The following CTNNA3 variants were observed in gnomAD, a reference collection of about 807,000 sequenced individuals.
CTNNA3 encodes the protein catenin alpha-3.
A neutral mutation model predicts 95.7 loss-of-function variants in CTNNA3; 76 were observed. The ratio of observed to expected loss-of-function variants is 0.79; its 90% CI spans 0.66 to 0.96. The LOEUF is 0.96. CTNNA3 is among the 40% of genes least tolerant of loss of function. The pLI is 0.00. For synonymous variants in CTNNA3, 431 were observed against 374.4 expected, an observed-to-expected ratio of 1.15 and a Z score of -1.74; for missense variants, 1,191 against 1,089.8, an observed-to-expected ratio of 1.09 and a Z score of -1.31.
chr10:67,255,520 G>T (rs1315417967), intron 5 of CTNNA3, among the ~76,000 whole-genome samples: 1 of 152,054 alleles, frequency 6.6e-6, no homozygotes, highest in African/African-American at 2.4e-5. Flanking sequence ...CTTATTACTG[G>T]TGCTTACTGC....
At chr10:66,700,867 G>A (rs1045339711) in intron 9 of CTNNA3, among the ~76,000 whole-genome samples, 13 of 152,018 alleles carry the variant, frequency 8.6e-5, no homozygotes, top group African/African-American at 2.2e-4. Flanking sequence ...TTCTCACATC[G>A]GAAGAAAGTA....
intron 5 of CTNNA3, among the ~76,000 whole-genome samples, chr10:67,393,549 A>C (rs1057285008): frequency 1.3e-5 from 2 of 152,192 alleles, no homozygotes; most frequent in African/African-American, 2.4e-5. Context: ...ATTAGAATGT[A>C]CTATCACTAT....
rs546662654 is a variant in CTNNA3, at chr10:66,110,563, G to A, written c.1885-7314C>T. 4.6e-5 allele frequency among the ~76,000 whole-genome samples: 7 copies of A among 152,002 alleles called. No individual in the cohort carries two copies. In the South Asian group the frequency reaches 6.2e-4, roughly 14 times the overall value. ...AAATACTATTTAGCCTTTAAAAAAAGGAAATTCTATCATTTGTTTGTCATC... is the reference window on the plus strand; with the variant it reads ...AAATACTATTTAGCCTTTAAAAAAAAGAAATTCTATCATTTGTTTGTCATC... On this transcript the variant is annotated intron_variant, in intron 13 of 17. Coordinates refer to ENST00000433211, the MANE Select transcript of CTNNA3 (RefSeq NM_013266.4).
chr10:66,288,951 T>C (rs1353691834), intron 12 of CTNNA3, among the ~76,000 whole-genome samples: 1 of 152,090 alleles, frequency 6.6e-6, no homozygotes. Flanking sequence ...GGTATAAATA[T>C]AGATGACTAC....
At chr10:66,712,356 G>A (rs1029691391) in intron 9 of CTNNA3, among the ~76,000 whole-genome samples, 2 of 152,094 alleles carry the variant, frequency 1.3e-5, no homozygotes, top group African/African-American at 2.4e-5. Flanking sequence ...GGAATTAAAT[G>A]ATAGGCAAAC....
chr10:66,393,799 T>C (rs1380077930), intron 11 of CTNNA3, among the ~76,000 whole-genome samples: 1 of 152,058 alleles, frequency 6.6e-6, no homozygotes, highest in Non-Finnish European at 1.5e-5. Context: ...TTCATTTTTA[T>C]AGTTGGAGCA....
intron 11 of CTNNA3, among the ~76,000 whole-genome samples, chr10:66,381,325 C>T (rs1280571479): frequency 6.6e-6 from 1 of 152,166 alleles, no homozygotes; most frequent in East Asian, 1.9e-4. Flanking sequence ...CTGACCTCCT[C>T]ATTCTCTACA....
chr10:66,871,286 C>T (rs1844392741), intron 7 of CTNNA3, among the ~76,000 whole-genome samples: 2 of 152,008 alleles, frequency 1.3e-5, no homozygotes, highest in Admixed American at 6.6e-5. Context: ...AGGCTGGGCG[C>T]GGTGGCTCAT....
rs189086244 is a variant in CTNNA3 at position 66,674,737 on chromosome 10, G to A, written c.1282-52953C>T. Among the ~76,000 whole-genome samples the A allele has an allele frequency of 4.5e-3, 685 of 151,938 alleles. 6 individuals are homozygous for A. The highest frequency in any genetic ancestry group is 0.016 in the African/African-American group (649 of 41,454). On this transcript the variant is annotated intron_variant, in intron 9 of 17. Coordinates refer to ENST00000433211, the MANE Select transcript of CTNNA3 (RefSeq NM_013266.4). ...CTTTATTATCTGTTCATATGTATGC[G>A]TTCAGCGTTAGATTGCCCATCCTAG...
chr10:67,298,103 G>A (rs1054750051), intron 5 of CTNNA3, among the ~76,000 whole-genome samples: 7 of 152,106 alleles, frequency 4.6e-5, no homozygotes, highest in South Asian at 2.1e-4. Flanking sequence ...GAATCATATC[G>A]GAAGTTAAGT....
At chr10:66,928,553 C>A (rs1847203263) in intron 7 of CTNNA3, 12 of 1,079,934 alleles carry the variant, frequency 1.1e-5, no homozygotes, top group Non-Finnish European at 1.3e-5. Flanking sequence ...CCCCCCCTCC[C>A]CTTCCCTCTC....
At chr10:66,894,493 T>TA (rs1482689277) in intron 7 of CTNNA3, among the ~76,000 whole-genome samples, 5 of 152,084 alleles carry the variant, frequency 3.3e-5, no homozygotes. Flanking sequence ...GAGAAGATTT[T>TA]AAAAGTTATC....
At chr10:67,127,478 G>A (rs573783842) in intron 7 of CTNNA3, among the ~76,000 whole-genome samples, 23 of 152,162 alleles carry the variant, frequency 1.5e-4, no homozygotes, top group African/African-American at 5.5e-4. Flanking sequence ...TCCTTCTCTA[G>A]CACTGACCTC....
intron 12 of CTNNA3, among the ~76,000 whole-genome samples, chr10:66,290,942 G>A (rs2091671108): frequency 6.6e-6 from 1 of 152,146 alleles, no homozygotes; most frequent in Non-Finnish European, 1.5e-5. Context: ...AAATGAAAGT[G>A]ACTTGTATCA....
At chr10:67,616,618 A>G (rs1282213773) in intron 2 of CTNNA3, among the ~76,000 whole-genome samples, 3 of 152,242 alleles carry the variant, frequency 2.0e-5, no homozygotes, top group Non-Finnish European at 4.4e-5. Context: ...TGGCCTGAGC[A>G]GCTGAGTAAA....
chr10:66,731,640 T>C (rs1179839093), intron 9 of CTNNA3, among the ~76,000 whole-genome samples: 4 of 152,218 alleles, frequency 2.6e-5, no homozygotes, highest in African/African-American at 9.6e-5. Context: ...ATTTTTAACA[T>C]AGCTTTCTGA....
intron 5 of CTNNA3, among the ~76,000 whole-genome samples, chr10:67,357,633 T>C (rs1044997869): frequency 6.6e-6 from 1 of 152,134 alleles, no homozygotes; most frequent in African/African-American, 2.4e-5. Flanking sequence ...TATAAAACCA[T>C]CATAATAAAA....
intron 7 of CTNNA3, among the ~76,000 whole-genome samples, chr10:66,803,558 T>C (rs1486556290): frequency 7.1e-6 from 1 of 141,422 alleles, no homozygotes; most frequent in Non-Finnish European, 1.5e-5. Flanking sequence ...GTACAGACCA[T>C]AGCTACAGAT....
At chr10:66,154,704 C>G (rs941563920) in intron 13 of CTNNA3, among the ~76,000 whole-genome samples, 3 of 33,570 alleles carry the variant, frequency 8.9e-5, no homozygotes, top group Non-Finnish European at 1.2e-4. Flanking sequence ...TCTCTCTCTA[C>G]TTTTTGAAAA....
Sources: gnomAD v4.1 joint callset for allele counts (sites outside exome capture counted in the v4.1 genomes callset) on GRCh38, gnomAD v4.1.1 for gene constraint, MANE v1.5 for transcripts, NCBI Gene and HGNC (gene_info 2026-07-23, HGNC 2026-07-21) for gene names.